The following ARHGAP42 variants were observed in gnomAD, a reference collection of about 807,000 sequenced individuals.
ARHGAP42 encodes Rho GTPase activating protein 42.
In ARHGAP42, 63 loss-of-function variants were observed where a neutral mutation model predicts 125.0. The observed-to-expected ratio is 0.50, with a 90% CI of 0.41 to 0.62. The LOEUF is 0.62. Among genes scored for constraint, ARHGAP42 ranks in the 20% least tolerant of loss-of-function variants. The probability of loss-of-function intolerance (pLI) is 0.00; values close to 1 mark genes in which losing one functional copy is unlikely to be tolerated. For missense variants in ARHGAP42, 766 were observed against 1,024.2 expected (o/e 0.75, Z 3.44); for synonymous variants, 339 against 351.0 (o/e 0.97, Z 0.38).
chr11:100,900,105 G>A (rs768872500), intron 4 of ARHGAP42, among the ~76,000 whole-genome samples: 11 of 152,128 alleles, frequency 7.2e-5, no homozygotes, highest in Non-Finnish European at 1.6e-4. Flanking sequence ...AGGCCTGGTG[G>A]TGACAAAATC....
chr11:100,927,548 G>C (rs1867461264), intron 6 of ARHGAP42, among the ~76,000 whole-genome samples: 2 of 152,136 alleles, frequency 1.3e-5, no homozygotes, highest in African/African-American at 4.8e-5. Context: ...ACAGAATTTT[G>C]TAAAAGTAAG....
chr11:100,816,957 G>A (rs1299361789), intron 3 of ARHGAP42: 1 of 152,194 alleles, frequency 6.6e-6, no homozygotes, highest in Admixed American at 6.5e-5. Flanking sequence ...AGGAGGATAA[G>A]CCTATAAGAG....
In ARHGAP42 at chr11:100,853,356, G is replaced by A. The variant is rs658646; in HGVS notation, c.313-6198G>A. On this transcript the variant is annotated intron_variant, in intron 3 of 23. Coordinates refer to ENST00000298815, the MANE Select transcript of ARHGAP42 (RefSeq NM_152432.4). Reference sequence around the variant, plus strand: ...TGGTGATAAGTAGATAAGTGGGGAGGCAATATGCTATGGTTAAGTCTGGTA... The same window carrying A: ...TGGTGATAAGTAGATAAGTGGGGAGACAATATGCTATGGTTAAGTCTGGTA... 9.6e-3 allele frequency among the ~76,000 whole-genome samples: 1,460 copies of A among 152,212 alleles called. 28 individuals are homozygous for A. Among genetic ancestry groups the A allele is most frequent in the African/African-American group, 0.033 (1,366 of 41,534 alleles).
chr11:100,805,426 A>T (rs1863965450), intron 3 of ARHGAP42, among the ~76,000 whole-genome samples: 1 of 152,218 alleles, frequency 6.6e-6, no homozygotes, highest in Non-Finnish European at 1.5e-5. Flanking sequence ...TAAGTTTTGA[A>T]ATTATCTTAA....
intron 4 of ARHGAP42, among the ~76,000 whole-genome samples, chr11:100,912,375 G>C (rs1403495459): frequency 6.6e-6 from 1 of 151,942 alleles, no homozygotes; most frequent in African/African-American, 2.4e-5. Flanking sequence ...AGCATTATGT[G>C]TTATAAACAC....
intron 2 of ARHGAP42, among the ~76,000 whole-genome samples, chr11:100,773,285 A>G (rs1251624809): frequency 6.6e-6 from 1 of 152,158 alleles, no homozygotes; most frequent in Non-Finnish European, 1.5e-5. Context: ...TTTCCTTATA[A>G]ACTTTAATAT....
intron 3 of ARHGAP42, among the ~76,000 whole-genome samples, chr11:100,798,352 T>C (rs1863769228): frequency 6.6e-6 from 1 of 152,224 alleles, no homozygotes; most frequent in South Asian, 2.1e-4. Flanking sequence ...ATTCAATCAA[T>C]GCTACAGACT....
chr11:100,798,857 G>A (rs180831188), intron 3 of ARHGAP42, among the ~76,000 whole-genome samples: 29 of 152,278 alleles, frequency 1.9e-4, no homozygotes, highest in African/African-American at 6.3e-4. Flanking sequence ...ATAAGAGAAA[G>A]CCATTTGAGG....
chr11:100,825,703 CT>C (rs1159204219), intron 3 of ARHGAP42, among the ~76,000 whole-genome samples: 2 of 152,238 alleles, frequency 1.3e-5, no homozygotes, highest in African/African-American at 4.8e-5. Context: ...CTTAAATCTG[CT>C]TCAAAGTGTC....
At chr11:100,857,425 T>G (rs1865346724) in intron 3 of ARHGAP42, among the ~76,000 whole-genome samples, 1 of 152,128 alleles carries the variant, frequency 6.6e-6, no homozygotes, top group Non-Finnish European at 1.5e-5. Context: ...CCATTGGATG[T>G]GAATGTGAGT....
At chr11:100,922,781 G>A (rs1867315511) in intron 6 of ARHGAP42, among the ~76,000 whole-genome samples, 1 of 152,166 alleles carries the variant, frequency 6.6e-6, no homozygotes, top group Non-Finnish European at 1.5e-5. Context: ...ACTGTTATCA[G>A]GCCCAACCTG....
chr11:100,733,447 T>A (rs1225152216), intron 1 of ARHGAP42, among the ~76,000 whole-genome samples: 3 of 152,210 alleles, frequency 2.0e-5, no homozygotes, highest in Admixed American at 1.3e-4. Flanking sequence ...ACTTGAATTA[T>A]AAATTGATTG....
chr11:100,752,630 A>C (rs1862486016), intron 1 of ARHGAP42, among the ~76,000 whole-genome samples: 2 of 152,224 alleles, frequency 1.3e-5, no homozygotes, highest in African/African-American at 4.8e-5. Flanking sequence ...CCAGTGATGT[A>C]ACCTGTCCTC....
intron 3 of ARHGAP42, among the ~76,000 whole-genome samples, chr11:100,826,303 C>G (rs894616731): frequency 6.6e-6 from 1 of 152,060 alleles, no homozygotes; most frequent in Non-Finnish European, 1.5e-5. Context: ...ATTTTGTGGA[C>G]TTTCTGTAGT....
At position 100,875,958 on chromosome 11, in the gene ARHGAP42, T is replaced by C. The variant is rs76475344; in HGVS notation, c.384+16333T>C. 6.8e-4 allele frequency among the ~76,000 whole-genome samples: 104 copies of C among 152,284 alleles called. No homozygotes were observed. The Middle Eastern group carries it at 0.014, about 20-fold the overall frequency. ...TTGTTATCTTGTTACAAGAGCACAGTTGGGTGGTTGTGTAGGAGAGCATGT... is the reference window on the plus strand; with the variant it reads ...TTGTTATCTTGTTACAAGAGCACAGCTGGGTGGTTGTGTAGGAGAGCATGT... On this transcript the variant is annotated intron_variant, in intron 4 of 23. Coordinates refer to ENST00000298815, the MANE Select transcript of ARHGAP42 (RefSeq NM_152432.4).
At chr11:100,690,764 T>C (rs1247498813) in intron 1 of ARHGAP42, among the ~76,000 whole-genome samples, 1 of 151,780 alleles carries the variant, frequency 6.6e-6, no homozygotes, top group Non-Finnish European at 1.5e-5. Context: ...ACCTGGCTAA[T>C]ATTTTGTATT....
chr11:100,976,252 CT>C lies in ARHGAP42; in HGVS notation c.2052del (p.Glu685AsnfsTer33). On this transcript the variant is annotated frameshift_variant, in exon 20 of 24. Transcript: ENST00000298815. LOFTEE classifies it high-confidence loss of function. Reference protein sequence around the residue: ...QKSLGLWTTSPESSSREDATK... With the variant: ...QKSLGLWTTSXESSSREDATK... ...AGCCTTGGTCTGTGGACAACTAGTC[CT>C]GAATCAAGTTCCAGAGAAGATGCAA... is the stretch of plus-strand genomic sequence containing the variant. 1.3e-6 allele frequency: 2 copies of C among 1,551,658 alleles called. No homozygotes were observed. Among genetic ancestry groups the C allele is most frequent in the South Asian group, 2.4e-5 (2 of 84,038 alleles).
chr11:100,820,469 T>A (rs1422239597), intron 3 of ARHGAP42, among the ~76,000 whole-genome samples: 1 of 152,166 alleles, frequency 6.6e-6, no homozygotes, highest in Non-Finnish European at 1.5e-5. Context: ...CTCTTCAGAT[T>A]TCCCTGGACA....
At chr11:100,894,140 A>G (rs561641805) in intron 4 of ARHGAP42, among the ~76,000 whole-genome samples, 15 of 152,242 alleles carry the variant, frequency 9.9e-5, no homozygotes, top group African/African-American at 1.4e-4. Flanking sequence ...TCAGTCAGCT[A>G]TACTTCTACA....
Sources: gnomAD v4.1 joint callset for allele counts (sites outside exome capture counted in the v4.1 genomes callset) on GRCh38, gnomAD v4.1.1 for gene constraint, MANE v1.5 for transcripts, NCBI Gene and HGNC (gene_info 2026-07-23, HGNC 2026-07-21) for gene names.